The following CSMD1 variants were observed in gnomAD, a reference collection of about 807,000 sequenced individuals.
CSMD1 encodes CUB and Sushi multiple domains 1, also known as CUB and sushi domain-containing protein 1.
Under a neutral mutation model 417.5 loss-of-function variants are expected in CSMD1, and 213 were observed. The observed-to-expected ratio is 0.51, with a 90% confidence interval of 0.46 to 0.57. CSMD1 has a LOEUF of 0.57. CSMD1 is among the 20% of genes least tolerant of loss of function. The pLI is 0.00. For synonymous variants in CSMD1, 2,862 were observed against 1,736.8 expected (o/e 1.65, Z -16.11); for missense variants, 6,923 against 4,529.7 (o/e 1.53, Z -15.17).
chr8:3,221,327 G>T (rs1798199138), intron 28 of CSMD1, among the ~76,000 whole-genome samples: 1 of 152,132 alleles, frequency 6.6e-6, no homozygotes, highest in Admixed American at 6.5e-5. Context: ...GAATGAAGAA[G>T]GAATAAAAGG....
chr8:4,285,604 G>C (rs1754825724), intron 3 of CSMD1, among the ~76,000 whole-genome samples: 2 of 152,184 alleles, frequency 1.3e-5, no homozygotes. Context: ...TGGGAAATTT[G>C]ATTTCCTGAG....
chr8:4,710,702 C>G (rs930918484), intron 1 of CSMD1, among the ~76,000 whole-genome samples: 17 of 151,304 alleles, frequency 1.1e-4, no homozygotes, highest in Non-Finnish European at 2.4e-4. Context: ...AAAATTAGCC[C>G]AGCATGGGGC....
chr8:3,870,373 G>A (rs923737853), intron 5 of CSMD1, among the ~76,000 whole-genome samples: 2 of 152,040 alleles, frequency 1.3e-5, no homozygotes, highest in Non-Finnish European at 2.9e-5. Context: ...GTGCCTTATG[G>A]ATACCTCTTT....
intron 8 of CSMD1, among the ~76,000 whole-genome samples, chr8:3,608,472 A>T (rs891519485): frequency 2.0e-5 from 3 of 152,128 alleles, no homozygotes; most frequent in African/African-American, 7.2e-5. Context: ...ATTATATATT[A>T]AAAAAATATG....
At chr8:3,318,407 C>G (rs571102573) in intron 23 of CSMD1, among the ~76,000 whole-genome samples, 62 of 152,264 alleles carry the variant, frequency 4.1e-4, no homozygotes, top group African/African-American at 1.4e-3. Flanking sequence ...GCCTGCTCGG[C>G]TTCAGATATT....
intron 1 of CSMD1, among the ~76,000 whole-genome samples, chr8:4,822,356 A>G (rs1298280528): frequency 1.3e-5 from 2 of 152,162 alleles, no homozygotes; most frequent in Non-Finnish European, 2.9e-5. Flanking sequence ...AGAGAGGACA[A>G]AAATGTGTTC....
Position 3,744,045 on chromosome 8 carries a change from C to T in CSMD1, c.931+9885G>A, listed in dbSNP as rs748987078. On this transcript the variant is annotated intron_variant, in intron 6 of 69. Transcript: ENST00000635120. ...CTGCCCTTTCCCCTTCAATGTGGAG[C>T]CCTCACAATCCTCTTCCGAGAAGGA... is the stretch of plus-strand genomic sequence containing the variant. Among the ~76,000 whole-genome samples the T allele has an allele frequency of 8.5e-5, 13 of 152,196 alleles. 1 individual carries two copies. The highest frequency in any genetic ancestry group is 3.1e-4 in the African/African-American group (13 of 41,454).
Position 4,759,809 on chromosome 8 carries a change from T to C in CSMD1, c.86-122251A>G, listed in dbSNP as rs147392881. Among the ~76,000 whole-genome samples, 1,044 of 152,354 alleles carry C rather than the reference T, an allele frequency of 6.9e-3. 10 individuals are homozygous for C. The highest frequency in any genetic ancestry group is 0.024 in the African/African-American group (987 of 41,588). On this transcript the variant is annotated intron_variant, in intron 1 of 69. Transcript: ENST00000635120. Reference sequence around the variant, plus strand: ...TGTACCAGTTTCTTTATCCAGTGTGTCACTGATGGACATTTGGGTTGATTC... The same window carrying C: ...TGTACCAGTTTCTTTATCCAGTGTGCCACTGATGGACATTTGGGTTGATTC...
chr8:3,838,857 A>G lies in CSMD1; in HGVS notation c.819-84815T>C, dbSNP rs760556647. Among the ~76,000 whole-genome samples, 1,133 of 119,428 alleles carry G rather than the reference A, an allele frequency of 9.5e-3. 25 individuals carry two copies. The highest frequency in any genetic ancestry group is 0.027 in the African/African-American group (794 of 29,620). The allele number at this position is 119,428 out of a possible 152,430, so 78.3% of individuals were successfully genotyped here. On this transcript the variant is annotated intron_variant, in intron 5 of 69. Transcript: ENST00000635120. ...ATATTAATTATATATACTATTATATATACTATTAATTATATATAATATTAA... is the reference window on the plus strand; with the variant it reads ...ATATTAATTATATATACTATTATATGTACTATTAATTATATATAATATTAA...
At chr8:3,881,408 G>C (rs1295284992) in intron 5 of CSMD1, among the ~76,000 whole-genome samples, 2 of 151,538 alleles carry the variant, frequency 1.3e-5, no homozygotes, top group African/African-American at 4.8e-5. Context: ...GGCCGAGGCA[G>C]GCAGATCACA....
intron 26 of CSMD1, chr8:3,278,840 G>A (rs17079739): frequency 0.08 from 12,166 of 152,198 alleles, 932 homozygotes; most frequent in African/African-American, 0.2. Flanking sequence ...TTTCATGGCT[G>A]GATTCGCCAG....
intron 2 of CSMD1, among the ~76,000 whole-genome samples, chr8:4,441,159 T>C (rs1798454646): frequency 7.6e-6 from 1 of 131,184 alleles, no homozygotes; most frequent in Non-Finnish European, 1.6e-5. Context: ...AGTGCAGTGG[T>C]ACAACCTTGG....
intron 8 of CSMD1, among the ~76,000 whole-genome samples, chr8:3,606,481 C>A (rs374072792): frequency 6.9e-6 from 1 of 145,000 alleles, no homozygotes; most frequent in Non-Finnish European, 1.5e-5. Flanking sequence ...GTATGAAAGA[C>A]GGAAGATGTC....
chr8:3,474,503 G>A (rs10094963), intron 11 of CSMD1, among the ~76,000 whole-genome samples: 1 of 151,898 alleles, frequency 6.6e-6, no homozygotes, highest in Non-Finnish European at 1.5e-5. Context: ...AATCTTTCTT[G>A]TCTTCATTAA....
chr8:3,769,650 T>C (rs962176006), intron 5 of CSMD1, among the ~76,000 whole-genome samples: 2 of 152,172 alleles, frequency 1.3e-5, no homozygotes, highest in Non-Finnish European at 2.9e-5. Context: ...ATTAAGAGAA[T>C]GTTATAGCTC....
At chr8:3,085,800 T>G (rs183809309) in intron 49 of CSMD1, among the ~76,000 whole-genome samples, 1 of 152,300 alleles carries the variant, frequency 6.6e-6, no homozygotes, top group Non-Finnish European at 1.5e-5. Context: ...CAGAACTCCT[T>G]GCATATCCAT....
At chr8:4,416,229 G>C (rs763281748) in intron 3 of CSMD1, among the ~76,000 whole-genome samples, 3 of 152,114 alleles carry the variant, frequency 2.0e-5, no homozygotes, top group Non-Finnish European at 2.9e-5. Flanking sequence ...TCCAAAGAAA[G>C]GTTGGATTAT....
At chr8:4,050,720 G>C (rs981585921) in intron 3 of CSMD1, among the ~76,000 whole-genome samples, 78 of 152,030 alleles carry the variant, frequency 5.1e-4, no homozygotes, top group Middle Eastern at 3.4e-3. Flanking sequence ...AAACTATTTA[G>C]TGAGTAAATG....
chr8:3,827,178 G>C (rs118072191), intron 5 of CSMD1, among the ~76,000 whole-genome samples: 2 of 152,104 alleles, frequency 1.3e-5, no homozygotes, highest in Non-Finnish European at 2.9e-5. Flanking sequence ...TTATGTTCTT[G>C]AGGTATTACA....
Sources: allele counts gnomAD v4.1 joint callset (sites outside exome capture counted in the v4.1 genomes callset), GRCh38; gene constraint gnomAD v4.1.1; transcripts MANE v1.5; gene names NCBI Gene and HGNC (gene_info 2026-07-23, HGNC 2026-07-21).